SBNO2: variants seen among roughly 807,000 people sequenced by gnomAD.
The protein encoded by SBNO2 is protein strawberry notch homolog 2.
Under a neutral mutation model 146.3 loss-of-function variants are expected in SBNO2, and 89 were observed. That is an observed-to-expected ratio of 0.61 (90% CI 0.51 to 0.73). The LOEUF (loss-of-function observed/expected upper bound fraction) is 0.73, where lower values mean the gene tolerates loss of function less well. Ranked by LOEUF, SBNO2 falls within the 30% of genes least tolerant of loss-of-function variation. The pLI is 0.00. For missense variants in SBNO2, 2,092 were observed against 2,003.7 expected (o/e 1.04, Z -0.84); for synonymous variants, 1,147 against 892.6 (o/e 1.29, Z -5.08).
chr19:1,130,497 A>G (rs1269192650), intron 4 of SBNO2, among the ~76,000 whole-genome samples: 1 of 139,834 alleles, frequency 7.2e-6, no homozygotes, highest in Non-Finnish European at 1.6e-5. Context: ...ATCTCAAAAA[A>G]AAAGTTAAAA....
intron 5 of SBNO2, chr19:1,127,380 G>T (rs921059832): frequency 1.2e-5 from 7 of 590,778 alleles, no homozygotes; most frequent in Non-Finnish European, 1.5e-5. Flanking sequence ...CCGCCCAGAT[G>T]TGGTAGCCAC....
intron 1 of SBNO2, among the ~76,000 whole-genome samples, chr19:1,166,331 G>C (rs1468400399): frequency 1.3e-5 from 2 of 152,226 alleles, no homozygotes; most frequent in Non-Finnish European, 2.9e-5. Flanking sequence ...TCCAGGCCGG[G>C]CTGCGGGGCT....
At chr19:1,170,348 T>A (rs2080465681) in intron 1 of SBNO2, among the ~76,000 whole-genome samples, 1 of 152,160 alleles carries the variant, frequency 6.6e-6, no homozygotes, top group African/African-American at 2.4e-5. Context: ...AGTCTGCTCT[T>A]CGTCCCAGCC....
In SBNO2 at chr19:1,153,238, A is replaced by T. The variant is rs546219688; in HGVS notation, c.93+946T>A. Among the ~76,000 whole-genome samples the T allele has an allele frequency of 4.7e-3, 704 of 148,358 alleles. 4 individuals are homozygous for T. The highest frequency in any genetic ancestry group is 0.035 in the Middle Eastern group (10 of 286). On this transcript the variant is annotated intron_variant, in intron 2 of 31. Coordinates refer to ENST00000361757, the MANE Select transcript of SBNO2 (RefSeq NM_014963.3). ...ACGTTTATATATTTTTAATTTAAAA[A>T]TTTTTTTTTTTCTTTTTGAGCCACA... is the stretch of plus-strand genomic sequence containing the variant.
intron 3 of SBNO2, among the ~76,000 whole-genome samples, chr19:1,148,476 C>A (rs2080215254): frequency 6.6e-6 from 1 of 150,678 alleles, no homozygotes; most frequent in Admixed American, 6.6e-5. Context: ...CCTTCCCACC[C>A]TCCTTCACCC....
At chr19:1,121,938 TG>T (rs961406241) in intron 11 of SBNO2, among the ~76,000 whole-genome samples, 200 bp downstream of exon 11, 7 of 152,104 alleles carry the variant, frequency 4.6e-5, no homozygotes, top group African/African-American at 1.7e-4. Context: ...TGAGCAAAGC[TG>T]GGGGCTGGGT....
intron 24 of SBNO2, among the ~76,000 whole-genome samples, 197 bp from the exon 25 acceptor site, chr19:1,111,290 C>T (rs910714239): frequency 2.6e-5 from 4 of 152,196 alleles, no homozygotes; most frequent in African/African-American, 7.2e-5. Context: ...GGGAGTAAAC[C>T]CAAACCCCAG....
intron 4 of SBNO2, among the ~76,000 whole-genome samples, chr19:1,135,791 G>C (rs368689193): frequency 3.5e-4 from 53 of 152,094 alleles, no homozygotes; most frequent in African/African-American, 1.2e-3. Context: ...GGAGGGGGCT[G>C]GGGGGCAGAC....
chr19:1,130,765 C>T (rs763925878), intron 4 of SBNO2, among the ~76,000 whole-genome samples: 5 of 152,194 alleles, frequency 3.3e-5, no homozygotes, highest in Non-Finnish European at 5.9e-5. Context: ...GCACACCAGC[C>T]TGGGTGACAG....
chr19:1,117,051 G>C, intron 15 of SBNO2, 125 bp from the exon 16 acceptor site: 1 of 951,468 alleles, frequency 1.1e-6, no homozygotes, highest in South Asian at 1.6e-5. Flanking sequence ...CTCCCCAGGA[G>C]GGGCCACGGC....
Position 1,119,932 on chromosome 19 carries a change from G to A in SBNO2, c.1241C>T (p.Ala414Val). The change falls in exon 12 of 32, where the codon GCC becomes GTC. Residue 414 changes from alanine (A) to valine (V), a missense_variant. Ala to Val is a moderately conservative substitution (Grantham distance 64). Coordinates refer to ENST00000361757, the MANE Select transcript of SBNO2 (RefSeq NM_014963.3). Reference sequence around the variant, plus strand: ...TGTGGCGCTGGCGTAGACCACGCGGGCCAGGGGCAGCTTGTTCTGCAGGTC... The same window carrying A: ...TGTGGCGCTGGCGTAGACCACGCGGACCAGGGGCAGCTTGTTCTGCAGGTC... ...VLDLQNKLPL[A>V]RVVYASATGA... 1 of 1,549,098 alleles carries A rather than the reference G, an allele frequency of 6.5e-7. No homozygotes were observed. Among genetic ancestry groups the A allele is most frequent in the Non-Finnish European group, 8.7e-7 (1 of 1,146,984 alleles).
chr19:1,119,464 G>A, intron 13 of SBNO2, 52 bp downstream of exon 13: 2 of 1,368,994 alleles, frequency 1.5e-6, no homozygotes, highest in Non-Finnish European at 2.0e-6. Context: ...TGGGCCTGAG[G>A]CCTCCTCCCC....
Position 1,122,476 on chromosome 19 carries a change from G to A in SBNO2, c.997C>T (p.Leu333Phe), listed in dbSNP as rs997736699. Residue 333 changes from leucine (L) to phenylalanine (F), a missense_variant, in exon 10 of 32, where the codon CTC becomes TTC. By Grantham distance (22) the Leu-to-Phe change is conservative (BLOSUM62 0). Coordinates refer to ENST00000361757, the MANE Select transcript of SBNO2 (RefSeq NM_014963.3). The part of the protein sequence containing the change: ...IEATGIAVHA[L>F]SKIKYGDTTT... ...CCGAGCACAGCCCCTACCTTGCTGA[G>A]CGCGTGCACCGCGATGCCCGTGGCT... 6.4e-7 allele frequency: 1 copy of A among 1,572,160 alleles called. No individual in the cohort carries two copies. The highest frequency in any genetic ancestry group is 8.6e-7 in the Non-Finnish European group (1 of 1,160,868).
At chr19:1,145,874 C>T (rs563110882) in intron 4 of SBNO2, among the ~76,000 whole-genome samples, 2 of 152,260 alleles carry the variant, frequency 1.3e-5, no homozygotes, top group African/African-American at 4.8e-5. Context: ...GCGCCCCCCT[C>T]CCCTGAACAC....
chr19:1,152,494 T>C (rs990346788), intron 2 of SBNO2, among the ~76,000 whole-genome samples: 6 of 152,088 alleles, frequency 3.9e-5, no homozygotes, highest in Admixed American at 6.5e-5. Context: ...GCCAGTCCCC[T>C]TTATGGTGGC....
chr19:1,124,069 C>T lies in SBNO2; in HGVS notation c.442-47G>A, dbSNP rs543736077. On this transcript the variant is annotated intron_variant, in intron 5 of 31. Transcript: ENST00000361757. ...AGCCCGGGCCAGACGGGACAGGTCA[C>T]AGCTGGTGGGCCCTCGCAGCCTGGC... 1.6e-5 allele frequency: 25 copies of T among 1,575,858 alleles called. No individual in the cohort carries two copies. In the South Asian group the frequency reaches 2.7e-4, roughly 17 times the overall value.
chr19:1,108,654 G>A lies in SBNO2; in HGVS notation c.3667C>T (p.Leu1223=). The stretch of plus-strand genomic sequence containing the variant: ...CTGCGCTTCACGTCCGCATCCATCA[G>A]CCGCAGCTCCTGCAGCACCCGGCGC... ...CVRRVLQELR[L]MDADVKRRQA... is the part of the protein sequence containing the mutation. The change falls in exon 32 of 32, where the codon CTG becomes TTG. Residue 1223 remains leucine, a synonymous_variant. Coordinates refer to ENST00000361757, the MANE Select transcript of SBNO2 (RefSeq NM_014963.3). 1 of 1,518,346 alleles carries A rather than the reference G, an allele frequency of 6.6e-7. No homozygotes were observed. The highest frequency in any genetic ancestry group is 2.0e-5 in the Admixed American group (1 of 49,136). 94.1% of individuals were successfully genotyped at this position (1,518,346 alleles called of 1,614,324 possible).
At chr19:1,153,077 C>T (rs1229640240) in intron 2 of SBNO2, among the ~76,000 whole-genome samples, 1 of 151,670 alleles carries the variant, frequency 6.6e-6, no homozygotes, top group Non-Finnish European at 1.5e-5. Context: ...ATCACTAGCC[C>T]AGGAGGCAGA....
Position 1,113,563 on chromosome 19 carries a change from T to G in SBNO2, c.2219A>C (p.Gln740Pro). 1 of 1,601,864 alleles carries G rather than the reference T, an allele frequency of 6.2e-7. No individual in the cohort carries two copies. The highest frequency in any genetic ancestry group is 8.5e-7 in the Non-Finnish European group (1 of 1,175,390). The change falls in exon 19 of 32, where the codon CAG (glutamine) becomes CCG (proline). Residue 740 changes from glutamine (Q) to proline (P), a missense_variant. Transcript: ENST00000361757. ...PVNTLDELID[Q>P]LGGPQRVAEM... Reference sequence around the variant, plus strand: ...CGCCACCCGCTGGGGGCCGCCCAGCTGGTCGATGAGCTCGTCCAGGGTGTT... The same window carrying G: ...CGCCACCCGCTGGGGGCCGCCCAGCGGGTCGATGAGCTCGTCCAGGGTGTT...
Sources: gnomAD v4.1 joint callset for allele counts (sites outside exome capture counted in the v4.1 genomes callset) on GRCh38, gnomAD v4.1.1 for gene constraint, MANE v1.5 for transcripts, NCBI Gene and HGNC (gene_info 2026-07-23, HGNC 2026-07-21) for gene names.